Variants in SPIRE2 observed in about 807,000 individuals in gnomAD.
SPIRE2 encodes the protein protein spire homolog 2.
In SPIRE2, 76 loss-of-function variants were observed where a neutral mutation model predicts 80.7. The ratio of observed to expected loss-of-function variants is 0.94; its 90% CI spans 0.78 to 1.14. The LOEUF is 1.14. SPIRE2 is among the 50% of genes most tolerant of loss of function. The pLI is 0.00. For synonymous variants in SPIRE2, 535 were observed against 432.6 expected, an observed-to-expected ratio of 1.24 and a Z score of -2.94; for missense variants, 1,196 against 1,015.3, an observed-to-expected ratio of 1.18 and a Z score of -2.42.
rs749197156 is a variant in SPIRE2, at chr16:89,863,840, C to T, written c.1757C>T (p.Pro586Leu). ...AAGTTCCCGCTGTTCTCGTGGCCGC[C>T]CAGCTGTCTCTTCTGCAAGAGGTGA... ...RAKFPLFSWP[P>L]SCLFCKRAVC... The change falls in exon 12 of 15, where the codon CCC becomes CTC. Residue 586 changes from proline (P) to leucine (L), a missense_variant. Pro to Leu is a moderately conservative substitution (Grantham distance 98). Coordinates refer to ENST00000378247, the MANE Select transcript of SPIRE2 (RefSeq NM_032451.2). The surrounding 1 kb of genome is among the most constrained non-coding windows in gnomAD (Gnocchi z 4.3). 1 of 1,613,814 alleles carries T rather than the reference C, an allele frequency of 6.2e-7. No homozygotes were observed. The highest frequency in any genetic ancestry group is 8.5e-7 in the Non-Finnish European group (1 of 1,179,894).
rs1001044896 is a variant in SPIRE2 at position 89,863,667 on chromosome 16, C to T, written c.1710+57C>T. ...TGCCCGCTGGGTCAGGGGCGGGTGC[C>T]GAGAGGGCCAGTTCCCAGGACTGTT... On this transcript the variant is annotated intron_variant, in intron 11 of 14. Coordinates refer to ENST00000378247, the MANE Select transcript of SPIRE2 (RefSeq NM_032451.2). This position sits in a 1 kb window ranked among gnomAD's most constrained non-coding sequence, Gnocchi z 4.3. 8 of 1,613,408 alleles carry T rather than the reference C, an allele frequency of 5.0e-6. No homozygotes were observed. Among genetic ancestry groups the T allele is most frequent in the East Asian group, 4.5e-5 (2 of 44,880 alleles).
chr16:89,863,087 C>A lies in SPIRE2; in HGVS notation c.1576-389C>A, dbSNP rs2041758591. 19 of 264,072 alleles carry A rather than the reference C, an allele frequency of 7.2e-5. 2 individuals are homozygous for A. In the South Asian group the frequency reaches 8.4e-4, roughly 12 times the overall value. The allele number at this position is 264,072 out of a possible 1,614,324, so 16.4% of individuals were successfully genotyped here. A position where few individuals can be genotyped will look rare whatever the true frequency, so the allele number is the denominator to read the frequency against. On this transcript the variant is annotated intron_variant, in intron 10 of 14. Coordinates refer to ENST00000378247, the MANE Select transcript of SPIRE2 (RefSeq NM_032451.2). This position sits in a 1 kb window ranked among gnomAD's most constrained non-coding sequence, Gnocchi z 4.3. ...AAGCTGAGGTGGCCTGTTGGAGGGT[C>A]CTGGACCTTCCAGAAAAGAGGACAT...
rs1597224249 is a variant in SPIRE2 at position 89,863,998 on chromosome 16, G to A, written c.1778+137G>A. On this transcript the variant is annotated intron_variant, in intron 12 of 14. Coordinates refer to ENST00000378247, the MANE Select transcript of SPIRE2 (RefSeq NM_032451.2). This position sits in a 1 kb window ranked among gnomAD's most constrained non-coding sequence, Gnocchi z 4.3. The stretch of plus-strand genomic sequence containing the variant: ...ATGGCTGATGAGTCCACAAGATATG[G>A]TTAGTACGAATGAGGAGTTAAATTT... 1 of 630,878 alleles carries A rather than the reference G, an allele frequency of 1.6e-6. No homozygotes were observed. The highest frequency in any genetic ancestry group is 2.0e-5 in the South Asian group (1 of 50,740). The allele number at this position is 630,878 out of a possible 1,614,324, so 39.1% of individuals were successfully genotyped here. A position where few individuals can be genotyped will look rare whatever the true frequency, so the allele number is the denominator to read the frequency against.
chr16:89,863,446 G>C lies in SPIRE2; in HGVS notation c.1576-30G>C. 2 of 1,613,388 alleles carry C rather than the reference G, an allele frequency of 1.2e-6. No individual in the cohort carries two copies. Among genetic ancestry groups the C allele is most frequent in the Non-Finnish European group, 1.7e-6 (2 of 1,179,802 alleles). ...GTAAGCTAGGGGAGCCTCCTGCATA[G>C]AAGACTTCCTACCTGAGGCCGTCCC... On this transcript the variant is annotated intron_variant, in intron 10 of 14. Transcript: ENST00000378247. The surrounding 1 kb of genome is among the most constrained non-coding windows in gnomAD (Gnocchi z 4.3).
chr16:89,850,639 C>T lies in SPIRE2; in HGVS notation c.624C>T (p.Ala208=), dbSNP rs767847939. The T allele has an allele frequency of 2.7e-6, 4 of 1,507,418 alleles. No individual in the cohort carries two copies. Among genetic ancestry groups the T allele is most frequent in the Admixed American group, 2.1e-5 (1 of 46,992 alleles). The allele number at this position is 1,507,418 out of a possible 1,614,324, so 93.4% of individuals were successfully genotyped here. Residue 208 remains alanine (A), a synonymous_variant, in exon 3 of 15, where the codon GCC becomes GCT. Coordinates refer to ENST00000378247, the MANE Select transcript of SPIRE2 (RefSeq NM_032451.2). The stretch of plus-strand genomic sequence containing the variant: ...CGCTGGAGCTGCGGGCCTTCCTGGC[C>T]AGGGTCCGGGAGGCCAAGGAGGTGA... ...VETLELRAFL[A]RVREAKEMLQ...
Position 89,845,308 on chromosome 16 carries a change from C to T in SPIRE2, c.245-14C>T, listed in dbSNP as rs774663209. On this transcript the variant is annotated splice_polypyrimidine_tract_variant and intron_variant, in intron 1 of 14. Transcript: ENST00000378247. ...GGATGCTGACAAATAACTTAACTCC[C>T]TCTTCTCTTACAGAACCTGCAACCA... The T allele has an allele frequency of 2.1e-5, 33 of 1,606,464 alleles. No individual in the cohort carries two copies. Among genetic ancestry groups the T allele is most frequent in the Non-Finnish European group, 2.6e-5 (30 of 1,172,894 alleles).
At chr16:89,854,726 C>T in intron 5 of SPIRE2, 75 bp downstream of exon 5, 1 of 1,538,654 alleles carries the variant, frequency 6.5e-7, no homozygotes, top group Non-Finnish European at 8.8e-7. Flanking sequence ...GATGAGCAGC[C>T]TGGATGTTGG....
chr16:89,832,418 T>C (rs1024639883), intron 1 of SPIRE2, among the ~76,000 whole-genome samples: 1 of 152,214 alleles, frequency 6.6e-6, no homozygotes, highest in Non-Finnish European at 1.5e-5. Context: ...GTAGTTGTGC[T>C]GGAGAAAAGC....
At position 89,854,468 on chromosome 16, in the gene SPIRE2, C is replaced by T. The variant is rs769046691; in HGVS notation, c.727-19C>T. The T allele has an allele frequency of 9.3e-6, 15 of 1,611,330 alleles. No homozygotes were observed. Among genetic ancestry groups the T allele is most frequent in the Non-Finnish European group, 1.1e-5 (13 of 1,178,944 alleles). On this transcript the variant is annotated intron_variant, in intron 4 of 14. Coordinates refer to ENST00000378247, the MANE Select transcript of SPIRE2 (RefSeq NM_032451.2). Reference sequence around the variant, plus strand: ...GCTTCACCTGGGGCTGAGACCCATTCTCTTCCCCTGGGGCCCAGGCCCGAC... The same window carrying T: ...GCTTCACCTGGGGCTGAGACCCATTTTCTTCCCCTGGGGCCCAGGCCCGAC...
chr16:89,857,881 C>CTTTTTTTTTT (rs774655599), intron 7 of SPIRE2, among the ~76,000 whole-genome samples: 1 of 107,218 alleles, frequency 9.3e-6, no homozygotes, highest in Non-Finnish European at 1.8e-5. Flanking sequence ...AGTTCTTCTT[C>CTTTTTTTTTT]TTTTTTTTTT....
At chr16:89,859,117 G>A in intron 8 of SPIRE2, 48 bp from the exon 9 acceptor site, 4 of 1,462,944 alleles carry the variant, frequency 2.7e-6, no homozygotes, top group Non-Finnish European at 3.7e-6. Context: ...TGGGCAGGAG[G>A]CACTGGCGGG....
chr16:89,843,785 C>T (rs189802340), intron 1 of SPIRE2, among the ~76,000 whole-genome samples: 1 of 114,310 alleles, frequency 8.7e-6, no homozygotes, highest in East Asian at 2.4e-4. Flanking sequence ...CTGCAACCTC[C>T]ACCCCTCAGG....
intron 12 of SPIRE2, among the ~76,000 whole-genome samples, chr16:89,866,704 G>T (rs895544005): frequency 2.0e-5 from 3 of 151,544 alleles, no homozygotes; most frequent in Admixed American, 6.6e-5. Context: ...CACCTCCCGG[G>T]TTCACGCCAT....
chr16:89,856,069 G>T, intron 6 of SPIRE2, 44 bp from the exon 7 acceptor site: 1 of 1,587,990 alleles, frequency 6.3e-7, no homozygotes, highest in Non-Finnish European at 8.6e-7. Context: ...CTTCCCCACC[G>T]CAGGTCCTGC....
chr16:89,847,245 G>C (rs1278375906), intron 2 of SPIRE2: 1 of 152,266 alleles, frequency 6.6e-6, no homozygotes, highest in Non-Finnish European at 1.5e-5. Flanking sequence ...CAGGTTGCCT[G>C]GCAGCTCTGT....
At position 89,828,601 on chromosome 16, in the gene SPIRE2, G is replaced by A; in HGVS notation, c.51G>A (p.Pro17=). ...GCGCCGCGGCGGGCGCAGGGCGGCC[G>A]GAGCCCTGGGAGCTGTCCCTGGAGG... ...CGGAAAGAGR[P]EPWELSLEEV... The change falls in exon 1 of 15, where the codon CCG becomes CCA. Residue 17 remains proline, a synonymous_variant. Coordinates refer to ENST00000378247, the MANE Select transcript of SPIRE2 (RefSeq NM_032451.2). The surrounding 1 kb of genome is among the most constrained non-coding windows in gnomAD (Gnocchi z 5.9). 1 of 1,234,244 alleles carries A rather than the reference G, an allele frequency of 8.1e-7. No homozygotes were observed. Among genetic ancestry groups the A allele is most frequent in the Non-Finnish European group, 1.0e-6 (1 of 982,042 alleles). 76.5% of individuals were successfully genotyped at this position (1,234,244 alleles called of 1,614,324 possible). A position where few individuals can be genotyped will look rare whatever the true frequency, so the allele number is the denominator to read the frequency against.
At chr16:89,859,135 A>G in intron 8 of SPIRE2, 30 bp from the exon 9 acceptor site, 1 of 1,501,520 alleles carries the variant, frequency 6.7e-7, no homozygotes, top group Non-Finnish European at 9.0e-7. Context: ...GGGCATTGTC[A>G]GGGCAGGGCC....
intron 1 of SPIRE2, among the ~76,000 whole-genome samples, chr16:89,837,892 A>G (rs957881662): frequency 6.6e-6 from 1 of 152,314 alleles, no homozygotes; most frequent in Admixed American, 6.5e-5. Flanking sequence ...GCTCAACCAC[A>G]TGGTTCCCTC....
Position 89,850,508 on chromosome 16 carries a change from G to A in SPIRE2, c.493G>A (p.Val165Met), listed in dbSNP as rs1038523381. The A allele has an allele frequency of 3.3e-6, 5 of 1,526,106 alleles. No homozygotes were observed. Among genetic ancestry groups the A allele is most frequent in the Admixed American group, 2.0e-5 (1 of 49,676 alleles). 94.5% of individuals were successfully genotyped at this position (1,526,106 alleles called of 1,614,324 possible). A position where few individuals can be genotyped will look rare whatever the true frequency, so the allele number is the denominator to read the frequency against. ...GGAGGCCGAGGGCGTCCCCCGCAGCGTGCGCACCTTTGCCCAGGCCATGCG... is the reference window on the plus strand; with the variant it reads ...GGAGGCCGAGGGCGTCCCCCGCAGCATGCGCACCTTTGCCCAGGCCATGCG... ...EEEAEGVPRS[V>M]RTFAQAMRLC... Residue 165 changes from valine to methionine, a missense_variant, in exon 3 of 15, where the codon GTG becomes ATG. Val to Met is a conservative substitution (Grantham distance 21, BLOSUM62 1). Coordinates refer to ENST00000378247, the MANE Select transcript of SPIRE2 (RefSeq NM_032451.2).
Sources: gnomAD v4.1 joint callset for allele counts (sites outside exome capture counted in the v4.1 genomes callset) on GRCh38, gnomAD v4.1.1 for gene constraint, Gnocchi (gnomAD v3.1) non-coding constraint, MANE v1.5 for transcripts, NCBI Gene and HGNC (gene_info 2026-07-23, HGNC 2026-07-21) for gene names.